Variants in ZNF385D observed in about 807,000 individuals in gnomAD.
The protein encoded by ZNF385D is zinc finger protein 385D.
Under a neutral mutation model 35.8 loss-of-function variants are expected in ZNF385D, and 15 were observed. The observed-to-expected ratio is 0.42, with a 90% CI of 0.28 to 0.64. The LOEUF (loss-of-function observed/expected upper bound fraction) is 0.64, where lower values mean the gene tolerates loss of function less well. Ranked by LOEUF, ZNF385D falls within the 30% of genes least tolerant of loss-of-function variation. The pLI is 0.23. For synonymous variants in ZNF385D, 212 were observed against 186.8 expected (o/e 1.13, Z -1.10); for missense variants, 474 against 494.6 (o/e 0.96, Z 0.39).
intron 2 of ZNF385D, among the ~76,000 whole-genome samples, chr3:22,307,659 G>C (rs762097738): frequency 3.3e-5 from 5 of 151,650 alleles, no homozygotes; most frequent in African/African-American, 4.9e-5. Flanking sequence ...TGTTGACCTA[G>C]TGGCAAGAGG....
At chr3:22,244,358 C>T (rs1207032357) in intron 2 of ZNF385D, among the ~76,000 whole-genome samples, 14 of 72,396 alleles carry the variant, frequency 1.9e-4, no homozygotes, top group Admixed American at 3.6e-4. Flanking sequence ...ACCAGACAAC[C>T]GAATGTAAAA....
intron 3 of ZNF385D, among the ~76,000 whole-genome samples, chr3:21,980,353 ATAAATTTTGGTTGTTTTAAGCCAC>A (rs1254053894): frequency 3.3e-5 from 5 of 152,200 alleles, no homozygotes; most frequent in Admixed American, 6.6e-5. Flanking sequence ...AAACTGTGAC[ATAAATTTTGGTTGTTTTAAGCCAC>A]TAAATTTTGG....
chr3:21,783,485 G>A (rs960873633), intron 3 of ZNF385D, among the ~76,000 whole-genome samples: 1 of 151,968 alleles, frequency 6.6e-6, no homozygotes, highest in African/African-American at 2.4e-5. Flanking sequence ...AATATTTTTG[G>A]AGAGACCTTA....
chr3:22,344,145 AT>A (rs1328942627), intron 2 of ZNF385D, among the ~76,000 whole-genome samples: 1 of 138,200 alleles, frequency 7.2e-6, no homozygotes, highest in Admixed American at 7.2e-5. Context: ...GTTTTGAAGA[AT>A]TTTTATAGGC....
chr3:22,365,301 T>A (rs1030533847), intron 2 of ZNF385D, among the ~76,000 whole-genome samples: 5 of 151,998 alleles, frequency 3.3e-5, no homozygotes, highest in Non-Finnish European at 7.4e-5. Context: ...GTAAACATTG[T>A]CTATTCACTG....
intron 3 of ZNF385D, among the ~76,000 whole-genome samples, chr3:21,999,176 A>G (rs1414832744): frequency 6.6e-6 from 1 of 152,180 alleles, no homozygotes; most frequent in Admixed American, 6.5e-5. Flanking sequence ...TGTTGTTTTT[A>G]TCAATAAAAA....
At chr3:21,722,671 C>T (rs1014057086) in intron 1 of ZNF385D, among the ~76,000 whole-genome samples, 1 of 152,222 alleles carries the variant, frequency 6.6e-6, no homozygotes, top group South Asian at 2.1e-4. Context: ...TCTCTGAATT[C>T]TTCCCCCAAT....
intron 3 of ZNF385D, among the ~76,000 whole-genome samples, chr3:21,993,610 TA>T (rs1232020501): frequency 2.6e-5 from 4 of 152,178 alleles, no homozygotes; most frequent in African/African-American, 7.2e-5. Flanking sequence ...GGAACATTTT[TA>T]AAAAATGAAT....
At chr3:21,490,123 CTTG>C (rs1283186359) in intron 4 of ZNF385D, among the ~76,000 whole-genome samples, 7 of 152,118 alleles carry the variant, frequency 4.6e-5, no homozygotes, top group Admixed American at 2.0e-4. Context: ...CTCTCCAACT[CTTG>C]TTGTCCTGAC....
At chr3:22,015,244 A>G (rs1696813035) in intron 3 of ZNF385D, among the ~76,000 whole-genome samples, 1 of 152,192 alleles carries the variant, frequency 6.6e-6, no homozygotes, top group South Asian at 2.1e-4. Flanking sequence ...GCACTTTATC[A>G]ATTTATAATG....
At chr3:21,602,536 TTTTTTTTGA>T (rs1381551341) in intron 2 of ZNF385D, among the ~76,000 whole-genome samples, 1 of 103,400 alleles carries the variant, frequency 9.7e-6, no homozygotes, top group Non-Finnish European at 2.0e-5. Context: ...TTTTTTTTTT[TTTTTTTTGA>T]GACGGAGTCT....
At chr3:22,353,859 A>G (rs1255597684) in intron 2 of ZNF385D, among the ~76,000 whole-genome samples, 1 of 151,916 alleles carries the variant, frequency 6.6e-6, no homozygotes, top group African/African-American at 2.4e-5. Flanking sequence ...CCAACCTCCT[A>G]TCTTTCTGGC....
At chr3:21,466,614 C>T (rs1029251314) in intron 4 of ZNF385D, among the ~76,000 whole-genome samples, 1 of 152,066 alleles carries the variant, frequency 6.6e-6, no homozygotes. Context: ...TCCTCACTAG[C>T]CTGAAAGAAA....
chr3:22,340,835 C>T (rs533219245), intron 2 of ZNF385D, among the ~76,000 whole-genome samples: 2 of 152,146 alleles, frequency 1.3e-5, no homozygotes, highest in African/African-American at 4.8e-5. Context: ...CCTTTTATGC[C>T]AGTAAGCCAG....
intron 2 of ZNF385D, among the ~76,000 whole-genome samples, chr3:21,641,540 A>T (rs570237861): frequency 6.6e-6 from 1 of 151,176 alleles, no homozygotes; most frequent in East Asian, 2.0e-4. Flanking sequence ...CCATTATTAC[A>T]TCTCTCCGTT....
chr3:22,202,484 G>C (rs1397295863), intron 2 of ZNF385D, among the ~76,000 whole-genome samples: 1 of 152,064 alleles, frequency 6.6e-6, no homozygotes, highest in Non-Finnish European at 1.5e-5. Context: ...ATTGGATGGA[G>C]GCAGAGCAAG....
intron 2 of ZNF385D, among the ~76,000 whole-genome samples, chr3:22,272,043 ATG>A (rs1701204816): frequency 6.6e-6 from 1 of 151,954 alleles, no homozygotes; most frequent in Admixed American, 6.6e-5. Context: ...TTTTTGGATA[ATG>A]TGTTTTGTGT....
chr3:22,190,148 A>C (rs546306510), intron 2 of ZNF385D, among the ~76,000 whole-genome samples: 1 of 152,220 alleles, frequency 6.6e-6, no homozygotes, highest in Non-Finnish European at 1.5e-5. Context: ...ATTGCTGCTG[A>C]GGAGTAATTT....
At chr3:22,275,783 T>C (rs1358663762) in intron 2 of ZNF385D, among the ~76,000 whole-genome samples, 2 of 152,160 alleles carry the variant, frequency 1.3e-5, no homozygotes, top group Non-Finnish European at 2.9e-5. Context: ...ATGCATGTTC[T>C]TTAAAGGTTC....
Sources: gnomAD v4.1 joint callset for allele counts (sites outside exome capture counted in the v4.1 genomes callset) on GRCh38, gnomAD v4.1.1 for gene constraint, MANE v1.5 for transcripts, NCBI Gene and HGNC (gene_info 2026-07-23, HGNC 2026-07-21) for gene names.